Variants in EYS observed in about 807,000 individuals in gnomAD.
EYS encodes the protein protein eyes shut homolog.
EYS carries 250 observed loss-of-function variants against 282.1 expected under a neutral mutation model. That is an observed-to-expected ratio of 0.89 (90% CI 0.80 to 0.98). The LOEUF (loss-of-function observed/expected upper bound fraction) is 0.98. Among genes scored for constraint, EYS ranks in the 50% least tolerant of loss-of-function variants. The pLI is 0.00. For missense variants in EYS, 4,016 were observed against 3,709.0 expected, an observed-to-expected ratio of 1.08 and a Z score of -2.15; for synonymous variants, 1,355 against 1,282.9, an observed-to-expected ratio of 1.06 and a Z score of -1.20.
intron 13 of EYS, among the ~76,000 whole-genome samples, chr6:65,018,027 T>C (rs757440691): frequency 1.3e-4 from 20 of 152,186 alleles, no homozygotes; most frequent in Non-Finnish European, 2.6e-4. Context: ...GGTGAATTTA[T>C]GGTGGTCTTT....
At chr6:65,232,864 CCTATT>C (rs1766819482) in intron 12 of EYS, among the ~76,000 whole-genome samples, 1 of 152,004 alleles carries the variant, frequency 6.6e-6, no homozygotes, top group Non-Finnish European at 1.5e-5. Flanking sequence ...TTATAAACTG[CCTATT>C]CTAGACTTTT....
At chr6:65,341,811 TA>T (rs1351470286) in intron 10 of EYS, among the ~76,000 whole-genome samples, 1 of 151,342 alleles carries the variant, frequency 6.6e-6, no homozygotes, top group Non-Finnish European at 1.5e-5. Flanking sequence ...AAACTTCATT[TA>T]TTCATTTTTC....
At chr6:65,296,209 CAGAA>C in intron 11 of EYS, 90 bp from the exon 12 acceptor site, 1 of 1,234,770 alleles carries the variant, frequency 8.1e-7, no homozygotes, top group Non-Finnish European at 1.1e-6. Context: ...TTTAAAAACA[CAGAA>C]ATAAATATTT....
At chr6:65,544,193 G>A (rs575090312) in intron 2 of EYS, among the ~76,000 whole-genome samples, 38 of 152,224 alleles carry the variant, frequency 2.5e-4, no homozygotes, top group African/African-American at 8.2e-4. Context: ...GTTTGTCATT[G>A]CACTTTGTAT....
intron 12 of EYS, among the ~76,000 whole-genome samples, chr6:65,238,031 C>T (rs977566196): frequency 6.6e-6 from 1 of 151,858 alleles, no homozygotes; most frequent in African/African-American, 2.4e-5. Flanking sequence ...AAGATTTGTT[C>T]ATAGTAATGG....
intron 12 of EYS, among the ~76,000 whole-genome samples, chr6:65,132,483 C>T (rs187731173): frequency 1.3e-5 from 2 of 152,018 alleles, no homozygotes; most frequent in African/African-American, 4.8e-5. Flanking sequence ...TCAATAGATG[C>T]ATAAAAGGCT....
intron 12 of EYS, among the ~76,000 whole-genome samples, chr6:65,174,581 G>A (rs1765182792): frequency 6.6e-6 from 1 of 151,118 alleles, no homozygotes; most frequent in African/African-American, 2.4e-5. Flanking sequence ...ATAATACCAA[G>A]AACAAAATGT....
rs1764897469 is a variant in EYS, at chr6:65,365,863, TG to T, written c.1300-12247del. ...TGTTGGCTGTCTAGTAAATTATGTA[TG>T]ATTCTCACTTTGTAATGTGGATTGC... is the stretch of plus-strand genomic sequence containing the variant. On this transcript the variant is annotated intron_variant, in intron 8 of 42. Coordinates refer to ENST00000503581, the MANE Select transcript of EYS (RefSeq NM_001142800.2). Among the ~76,000 whole-genome samples, 5 of 151,872 alleles carry T rather than the reference TG, an allele frequency of 3.3e-5. No homozygotes were observed. In the South Asian group the frequency reaches 1.0e-3, roughly 31 times the overall value.
intron 31 of EYS, among the ~76,000 whole-genome samples, chr6:64,116,252 C>T (rs529433816): frequency 6.6e-6 from 1 of 152,066 alleles, no homozygotes; most frequent in South Asian, 2.1e-4. Flanking sequence ...ATTTTGAAAG[C>T]AACAGAAAAG....
intron 1 of EYS, among the ~76,000 whole-genome samples, chr6:65,683,612 T>C (rs562032557): frequency 2.6e-5 from 4 of 152,156 alleles, no homozygotes; most frequent in African/African-American, 9.6e-5. Context: ...AAATATCAGA[T>C]GAAGTAGTGG....
At chr6:64,240,104 T>C (rs914120327) in intron 30 of EYS, among the ~76,000 whole-genome samples, 2 of 152,166 alleles carry the variant, frequency 1.3e-5, no homozygotes, top group Non-Finnish European at 2.9e-5. Flanking sequence ...TTCTGTTCCA[T>C]TGGTCTATAT....
At chr6:63,721,927 T>C in intron 42 of EYS, 130 bp from the exon 43 acceptor site, 1 of 807,052 alleles carries the variant, frequency 1.2e-6, no homozygotes, top group African/African-American at 1.7e-5. Flanking sequence ...AGCACAATTG[T>C]GTTAGTTTTG....
chr6:65,569,214 A>AC (rs1249388493), intron 2 of EYS, among the ~76,000 whole-genome samples: 3 of 151,594 alleles, frequency 2.0e-5, no homozygotes, highest in African/African-American at 4.8e-5. Flanking sequence ...GCACCTTGTG[A>AC]CCCCCGCCCC....
At chr6:65,298,770 T>C (rs1768734238) in intron 11 of EYS, among the ~76,000 whole-genome samples, 1 of 151,498 alleles carries the variant, frequency 6.6e-6, no homozygotes, top group African/African-American at 2.4e-5. Flanking sequence ...GATTATATCT[T>C]AGTAATATAT....
At chr6:64,664,938 G>A (rs148070250) in intron 22 of EYS, among the ~76,000 whole-genome samples, 4,394 of 152,218 alleles carry the variant, frequency 0.029, 119 homozygotes, top group Non-Finnish European at 0.035. Context: ...GAAATGAGGT[G>A]ATTATGTATA....
chr6:65,406,982 T>C (rs1766772914), intron 5 of EYS, among the ~76,000 whole-genome samples: 1 of 152,096 alleles, frequency 6.6e-6, no homozygotes, highest in Non-Finnish European at 1.5e-5. Context: ...TTCTATGAGC[T>C]TGTCAATTTC....
At chr6:64,850,608 TTAGA>T (rs1765852883) in intron 19 of EYS, among the ~76,000 whole-genome samples, 1 of 151,952 alleles carries the variant, frequency 6.6e-6, no homozygotes, top group African/African-American at 2.4e-5. Context: ...TGTTACAGTA[TTAGA>T]TAGAAAAGGT....
Position 65,443,288 on chromosome 6 carries a change from A to G in EYS, c.863-37921T>C, listed in dbSNP as rs1768467323. ...CAAACATATAGACATGTATGCATGCATATATGCATACATGTGTGTACACAT... is the reference window on the plus strand; with the variant it reads ...CAAACATATAGACATGTATGCATGCGTATATGCATACATGTGTGTACACAT... On this transcript the variant is annotated intron_variant, in intron 5 of 42. Coordinates refer to ENST00000503581, the MANE Select transcript of EYS (RefSeq NM_001142800.2). 2.0e-5 allele frequency among the ~76,000 whole-genome samples: 3 copies of G among 147,486 alleles called. 1 individual carries two copies. The highest frequency in any genetic ancestry group is 4.6e-5 in the Non-Finnish European group (3 of 65,556).
At chr6:65,261,388 A>G (rs1767616569) in intron 12 of EYS, among the ~76,000 whole-genome samples, 2 of 151,990 alleles carry the variant, frequency 1.3e-5, no homozygotes, top group Admixed American at 1.3e-4. Flanking sequence ...GGAAAAATCC[A>G]TATCTGTCTG....
Sources: gnomAD v4.1 joint callset for allele counts (sites outside exome capture counted in the v4.1 genomes callset) on GRCh38, gnomAD v4.1.1 for gene constraint, MANE v1.5 for transcripts, NCBI Gene and HGNC (gene_info 2026-07-23, HGNC 2026-07-21) for gene names.